DNAJB14: variants seen among roughly 807,000 people sequenced by gnomAD.
DNAJB14 encodes the protein DnaJ heat shock protein family (Hsp40) member B14.
Under a neutral mutation model 48.4 loss-of-function variants are expected in DNAJB14, and 22 were observed. That is an observed-to-expected ratio of 0.45 (90% CI 0.32 to 0.65). The LOEUF (loss-of-function observed/expected upper bound fraction) is 0.65. Ranked by LOEUF, DNAJB14 falls within the 30% of genes least tolerant of loss-of-function variation. The pLI is 0.03. For synonymous variants in DNAJB14, 142 were observed against 158.7 expected (o/e 0.89, Z 0.79); for missense variants, 319 against 458.8 (o/e 0.70, Z 2.78).
chr4:99,931,359 G>T (rs1031613788), intron 1 of DNAJB14, among the ~76,000 whole-genome samples: 1 of 152,008 alleles, frequency 6.6e-6, no homozygotes, highest in African/African-American at 2.4e-5. Context: ...AATGAAATAA[G>T]GTTGGCCATA....
At chr4:99,933,303 C>CTTTTTT (rs759298582) in intron 1 of DNAJB14, among the ~76,000 whole-genome samples, 12 of 88,780 alleles carry the variant, frequency 1.4e-4, no homozygotes, top group Admixed American at 2.9e-4. Flanking sequence ...CATAAACAGT[C>CTTTTTT]TTTTTTTTTT....
intron 3 of DNAJB14, among the ~76,000 whole-genome samples, chr4:99,915,856 G>C (rs1431255446): frequency 6.6e-6 from 1 of 151,724 alleles, no homozygotes; most frequent in Non-Finnish European, 1.5e-5. Context: ...TTGTGACTTT[G>C]TCTATTTCTT....
intron 3 of DNAJB14, among the ~76,000 whole-genome samples, chr4:99,911,581 T>C (rs1725662131): frequency 6.6e-6 from 1 of 152,214 alleles, no homozygotes; most frequent in South Asian, 2.1e-4. Context: ...CTAGCCATTC[T>C]GATAAATGTG....
At chr4:99,930,403 A>C in intron 2 of DNAJB14, 47 bp downstream of exon 2, 1 of 1,517,368 alleles carries the variant, frequency 6.6e-7, no homozygotes, top group Non-Finnish European at 8.8e-7. Flanking sequence ...ATCAAAAAGT[A>C]CATTAATACC....
intron 2 of DNAJB14, 26 bp from the exon 3 acceptor site, chr4:99,923,211 T>C: frequency 6.3e-7 from 1 of 1,575,524 alleles, no homozygotes; most frequent in South Asian, 1.2e-5. Flanking sequence ...TGTGTTATAA[T>C]GTAAATTTCA....
At position 99,913,184 on chromosome 4, in the gene DNAJB14, CTCTT is replaced by C. The variant is rs1194298703; in HGVS notation, c.452-4292_452-4289del. ...TGTATGCCTTTTATTTCCTTTTTCT[CTCTT>C]TAACGCAGTGATTACTACTTCCTGC... On this transcript the variant is annotated intron_variant, in intron 3 of 7. Transcript: ENST00000442697. Among the ~76,000 whole-genome samples, 6 of 152,184 alleles carry C rather than the reference CTCTT, an allele frequency of 3.9e-5. No individual in the cohort carries two copies. The East Asian group carries it at 1.2e-3, about 29-fold the overall frequency.
intron 3 of DNAJB14, among the ~76,000 whole-genome samples, chr4:99,916,132 T>C (rs1725846156): frequency 6.6e-6 from 1 of 152,176 alleles, no homozygotes; most frequent in African/African-American, 2.4e-5. Context: ...GTAGACAACA[T>C]ACAGCAAAAT....
chr4:99,938,985 T>C (rs1726792032), intron 1 of DNAJB14, among the ~76,000 whole-genome samples: 1 of 152,026 alleles, frequency 6.6e-6, no homozygotes, highest in African/African-American at 2.4e-5. Context: ...TCTCTTTATA[T>C]AAATATTTCG....
intron 3 of DNAJB14, among the ~76,000 whole-genome samples, chr4:99,918,251 G>A (rs1725928164): frequency 6.6e-6 from 1 of 152,052 alleles, no homozygotes; most frequent in Non-Finnish European, 1.5e-5. Flanking sequence ...CCATTCTGCT[G>A]TTTATTCTAG....
intron 1 of DNAJB14, among the ~76,000 whole-genome samples, chr4:99,934,988 AT>A (rs923515930): frequency 2.0e-5 from 3 of 151,804 alleles, no homozygotes; most frequent in South Asian, 4.2e-4. Context: ...AATTTAAAAC[AT>A]TTTTTTAAAA....
intron 1 of DNAJB14, among the ~76,000 whole-genome samples, chr4:99,945,997 T>A (rs1287928842): frequency 6.6e-6 from 1 of 152,208 alleles, no homozygotes; most frequent in Admixed American, 6.5e-5. Flanking sequence ...CTCAGAAACA[T>A]GGAATCTGAG....
chr4:99,909,315 G>A (rs1465981121), intron 3 of DNAJB14, among the ~76,000 whole-genome samples: 2 of 151,966 alleles, frequency 1.3e-5, no homozygotes, highest in Non-Finnish European at 2.9e-5. Flanking sequence ...TGAGGGCCCT[G>A]AAATTCAAGA....
chr4:99,915,254 C>G (rs930579269), intron 3 of DNAJB14, among the ~76,000 whole-genome samples: 4 of 152,202 alleles, frequency 2.6e-5, no homozygotes, highest in African/African-American at 4.8e-5. Flanking sequence ...TCTCCTGCCT[C>G]AGCCTCCCGA....
intron 3 of DNAJB14, among the ~76,000 whole-genome samples, chr4:99,914,244 C>A (rs1000297988): frequency 2.0e-5 from 3 of 152,100 alleles, no homozygotes; most frequent in African/African-American, 7.2e-5. Context: ...CTGAACCAAC[C>A]CAAATGTCCA....
At chr4:99,910,910 A>G (rs1427526642) in intron 3 of DNAJB14, among the ~76,000 whole-genome samples, 1 of 151,992 alleles carries the variant, frequency 6.6e-6, no homozygotes. Context: ...CAACAGTAAT[A>G]TTTTGCAAAA....
At chr4:99,946,046 G>A (rs1251980050) in intron 1 of DNAJB14, among the ~76,000 whole-genome samples, 1 of 152,238 alleles carries the variant, frequency 6.6e-6, no homozygotes, top group African/African-American at 2.4e-5. Flanking sequence ...CACTTCGATA[G>A]GGGCCTAGGC....
At chr4:99,925,147 T>A (rs1050325374) in intron 2 of DNAJB14, 5 of 272,702 alleles carry the variant, frequency 1.8e-5, no homozygotes, top group Admixed American at 5.0e-5. Flanking sequence ...AGTATTTACA[T>A]ACAACCTTTA....
chr4:99,910,006 A>G (rs1725604875), intron 3 of DNAJB14, among the ~76,000 whole-genome samples: 1 of 152,076 alleles, frequency 6.6e-6, no homozygotes, highest in Non-Finnish European at 1.5e-5. Flanking sequence ...AGAATATTTT[A>G]AAAATAGTTT....
chr4:99,938,979 T>C (rs1213720069), intron 1 of DNAJB14, among the ~76,000 whole-genome samples: 1 of 152,172 alleles, frequency 6.6e-6, no homozygotes, highest in East Asian at 1.9e-4. Flanking sequence ...GAAGTATCTC[T>C]TTATATAAAT....
Sources: gnomAD v4.1 joint callset for allele counts (sites outside exome capture counted in the v4.1 genomes callset) on GRCh38, gnomAD v4.1.1 for gene constraint, MANE v1.5 for transcripts, NCBI Gene and HGNC (gene_info 2026-07-23, HGNC 2026-07-21) for gene names.